The following TNFRSF21 variants were observed in gnomAD, a reference collection of about 807,000 sequenced individuals.
TNFRSF21 encodes TNF receptor superfamily member 21, also known as tumor necrosis factor receptor superfamily member 21.
In TNFRSF21, 19 loss-of-function variants were observed where a neutral mutation model predicts 45.6. That is an observed-to-expected ratio of 0.42 (90% CI 0.29 to 0.61). The LOEUF (loss-of-function observed/expected upper bound fraction) is 0.61, where lower values mean the gene tolerates loss of function less well. Among genes scored for constraint, TNFRSF21 ranks in the 20% least tolerant of loss-of-function variants. The pLI is 0.23. For missense variants in TNFRSF21, 737 were observed against 851.5 expected, an observed-to-expected ratio of 0.87 and a Z score of 1.67; for synonymous variants, 314 against 335.5, an observed-to-expected ratio of 0.94 and a Z score of 0.70.
intron 3 of TNFRSF21, among the ~76,000 whole-genome samples, chr6:47,263,057 C>T (rs1250263053): frequency 6.6e-6 from 1 of 152,006 alleles, no homozygotes; most frequent in African/African-American, 2.4e-5. Context: ...GGGGTCTGGG[C>T]CAAAGTGGTG....
At chr6:47,251,519 T>C (rs115878089) in intron 4 of TNFRSF21, among the ~76,000 whole-genome samples, 1,791 of 152,310 alleles carry the variant, frequency 0.012, 17 homozygotes, top group Non-Finnish European at 0.018. Context: ...CTTTTTGACA[T>C]GCACTCTCAC....
At chr6:47,252,649 C>G (rs984233746) in intron 4 of TNFRSF21, among the ~76,000 whole-genome samples, 6 of 152,144 alleles carry the variant, frequency 3.9e-5, no homozygotes, top group Admixed American at 2.6e-4. Flanking sequence ...TGTACCAGAG[C>G]CAGGATTCAA....
At chr6:47,279,752 C>G (rs185676322) in intron 3 of TNFRSF21, among the ~76,000 whole-genome samples, 17 of 152,294 alleles carry the variant, frequency 1.1e-4, no homozygotes, top group African/African-American at 4.1e-4. Context: ...ACACTTCAAC[C>G]TCTTAACTAT....
intron 4 of TNFRSF21, among the ~76,000 whole-genome samples, chr6:47,242,960 G>A (rs985714392): frequency 2.6e-5 from 4 of 152,126 alleles, no homozygotes; most frequent in African/African-American, 9.7e-5. Context: ...AAAAAGTTTC[G>A]CAAACCTTTT....
intron 3 of TNFRSF21, among the ~76,000 whole-genome samples, chr6:47,276,938 C>G (rs1459500814): frequency 6.6e-6 from 1 of 152,092 alleles, no homozygotes; most frequent in African/African-American, 2.4e-5. Context: ...CTAATAAGCT[C>G]CTTTAAGGTG....
chr6:47,295,552 T>C (rs1762780193), intron 1 of TNFRSF21, among the ~76,000 whole-genome samples: 1 of 152,194 alleles, frequency 6.6e-6, no homozygotes, highest in Admixed American at 6.5e-5. Context: ...ATCTAAAACA[T>C]GATAACAGAT....
chr6:47,236,165 C>T (rs1349192978), intron 4 of TNFRSF21, among the ~76,000 whole-genome samples: 2 of 152,222 alleles, frequency 1.3e-5, no homozygotes, highest in South Asian at 4.1e-4. Flanking sequence ...TGCTTGACAT[C>T]TCTATTTGGC....
intron 3 of TNFRSF21, 115 bp downstream of exon 3, chr6:47,283,823 T>C (rs910099388): frequency 3.0e-6 from 4 of 1,328,818 alleles, no homozygotes; most frequent in African/African-American, 2.9e-5. Context: ...TCAAGTAGTG[T>C]TTGGTCTACA....
chr6:47,288,983 A>C (rs976008322), intron 1 of TNFRSF21, among the ~76,000 whole-genome samples: 1 of 152,244 alleles, frequency 6.6e-6, no homozygotes, highest in Non-Finnish European at 1.5e-5. Flanking sequence ...ATCAACAGGC[A>C]CTTAGGGGAA....
At position 47,309,416 on chromosome 6, in the gene TNFRSF21, CAGG is replaced by C. The variant is rs747740822; in HGVS notation, c.93_95del (p.Leu33del). The C allele has an allele frequency of 1.2e-5, 19 of 1,544,766 alleles. No individual in the cohort carries two copies. The highest frequency in any genetic ancestry group is 1.8e-4 in the Middle Eastern group (1 of 5,536). On this transcript the variant is annotated inframe_deletion and splice_region_variant, in exon 1 of 6. Transcript: ENST00000296861. ...ACCCCCGGTCCACGCAAGCGCTCAC[CAGG>C]AGAAGGGAGCCCGCGATCATCGTGG...
chr6:47,298,458 T>G (rs1762820587), intron 1 of TNFRSF21, among the ~76,000 whole-genome samples: 1 of 151,888 alleles, frequency 6.6e-6, no homozygotes, highest in African/African-American at 2.4e-5. Context: ...CAAATTAAAA[T>G]AAATAAATAA....
At chr6:47,251,295 A>T (rs1294447953) in intron 4 of TNFRSF21, among the ~76,000 whole-genome samples, 1 of 152,228 alleles carries the variant, frequency 6.6e-6, no homozygotes, top group Non-Finnish European at 1.5e-5. Flanking sequence ...TCATAACTCA[A>T]AGGCTATAGC....
chr6:47,260,179 T>C (rs2281449), intron 3 of TNFRSF21, among the ~76,000 whole-genome samples: 24,122 of 152,154 alleles, frequency 0.16, 2,484 homozygotes, highest in East Asian at 0.51. Context: ...TTATTGGTGC[T>C]GAACAATGAA....
rs1762317461 is a variant in TNFRSF21 at position 47,265,380 on chromosome 6, T to C, written c.1244-11859A>G. 2.2e-5 allele frequency among the ~76,000 whole-genome samples: 3 copies of C among 139,024 alleles called. No homozygotes were observed. In the South Asian group the frequency reaches 6.8e-4, roughly 31 times the overall value. The allele number at this position is 139,024 out of a possible 152,430, so 91.2% of individuals were successfully genotyped here. ...CTTGACTGAGCACAGTTTTTTTGTT[T>C]TGTTTTGTTTTGTTTTGTTTTTTTT... On this transcript the variant is annotated intron_variant, in intron 3 of 5. Coordinates refer to ENST00000296861, the MANE Select transcript of TNFRSF21 (RefSeq NM_014452.5).
intron 1 of TNFRSF21, among the ~76,000 whole-genome samples, chr6:47,301,067 T>C (rs892517901): frequency 3.9e-5 from 6 of 152,248 alleles, no homozygotes; most frequent in South Asian, 2.1e-4. Flanking sequence ...CCCACTAGGT[T>C]CTTCTAGTCT....
At chr6:47,309,315 C>G (rs1762983143) in intron 1 of TNFRSF21, 101 bp downstream of exon 1, 3 of 1,423,536 alleles carry the variant, frequency 2.1e-6, no homozygotes, top group Non-Finnish European at 9.1e-7. Flanking sequence ...GGCCGGGCCC[C>G]GCGCCTCCCT....
intron 5 of TNFRSF21, 68 bp from the exon 6 acceptor site, chr6:47,233,062 G>C (rs999898809): frequency 6.9e-7 from 1 of 1,454,738 alleles, no homozygotes; most frequent in Non-Finnish European, 9.6e-7. Context: ...GGAGGAAGGA[G>C]AGCAGGGTCC....
intron 1 of TNFRSF21, among the ~76,000 whole-genome samples, chr6:47,288,887 C>T (rs981295254): frequency 6.6e-6 from 1 of 152,154 alleles, no homozygotes; most frequent in Non-Finnish European, 1.5e-5. Flanking sequence ...ACCCTGTTTG[C>T]TCAGCCTTTG....
chr6:47,237,291 G>GA (rs910996962), intron 4 of TNFRSF21, among the ~76,000 whole-genome samples: 9 of 150,382 alleles, frequency 6.0e-5, no homozygotes, highest in South Asian at 2.1e-4. Flanking sequence ...TTTCCCAAAA[G>GA]AAAAAAAAAT....
Sources: gnomAD v4.1 joint callset for allele counts (sites outside exome capture counted in the v4.1 genomes callset) on GRCh38, gnomAD v4.1.1 for gene constraint, MANE v1.5 for transcripts, NCBI Gene and HGNC (gene_info 2026-07-23, HGNC 2026-07-21) for gene names.